ESCO1: variants seen among roughly 807,000 people sequenced by gnomAD.
ESCO1 encodes the protein establishment of sister chromatid cohesion N-acetyltransferase 1.
In ESCO1, 33 loss-of-function variants were observed where a neutral mutation model predicts 83.5. The ratio of observed to expected loss-of-function variants is 0.40; its 90% CI spans 0.30 to 0.53. The LOEUF is 0.53. Among genes scored for constraint, ESCO1 ranks in the 20% least tolerant of loss-of-function variants. ESCO1 has a pLI of 0.63. For synonymous variants in ESCO1, 332 were observed against 324.3 expected (o/e 1.02, Z -0.25); for missense variants, 855 against 968.0 (o/e 0.88, Z 1.55).
At chr18:21,534,107 TAGAG>T (rs1356200120) in intron 10 of ESCO1, among the ~76,000 whole-genome samples, 2 of 152,158 alleles carry the variant, frequency 1.3e-5, no homozygotes, top group African/African-American at 2.4e-5. Flanking sequence ...TTAACATATA[TAGAG>T]AAACTCCTGC....
At position 21,530,320 on chromosome 18, in the gene ESCO1, A is replaced by G; in HGVS notation, c.*23T>C. 1 of 1,549,714 alleles carries G rather than the reference A, an allele frequency of 6.5e-7. No individual in the cohort carries two copies. Among genetic ancestry groups the G allele is most frequent in the Non-Finnish European group, 8.7e-7 (1 of 1,150,768 alleles). ...CCATTCTCTTCAATAGATGTCTTCT[A>G]GTGGTGTAGGCAAGAATTTGTTTTA... On this transcript the variant is annotated 3_prime_UTR_variant, in exon 12 of 12. Transcript: ENST00000269214.
intron 1 of ESCO1, among the ~76,000 whole-genome samples, chr18:21,599,771 C>A (rs2038815431): frequency 6.6e-6 from 1 of 152,120 alleles, no homozygotes; most frequent in Non-Finnish European, 1.5e-5. Flanking sequence ...AAGCACACGC[C>A]GGATTTTCGG....
chr18:21,578,244 G>T (rs959388922), intron 2 of ESCO1, among the ~76,000 whole-genome samples: 1 of 151,948 alleles, frequency 6.6e-6, no homozygotes, highest in Non-Finnish European at 1.5e-5. Context: ...CTAAAAATAA[G>T]CTAATTTGTC....
rs1026831974 is a variant in ESCO1 at position 21,529,469 on chromosome 18, CA to C, written c.*873del. 3.2e-4 allele frequency: 48 copies of C among 152,314 alleles called. No individual in the cohort carries two copies. Among genetic ancestry groups the C allele is most frequent in the African/African-American group, 1.2e-3 (48 of 41,568 alleles). 9.4% of individuals were successfully genotyped at this position (152,314 alleles called of 1,614,324 possible). On this transcript the variant is annotated 3_prime_UTR_variant, in exon 12 of 12. Coordinates refer to ENST00000269214, the MANE Select transcript of ESCO1 (RefSeq NM_052911.3). ...CAGTAATGAGGGCATATACTCAGTG[CA>C]GTATTTCTGAGGAATAACAAAGCAG...
intron 11 of ESCO1, among the ~76,000 whole-genome samples, chr18:21,530,974 T>C (rs984182149): frequency 6.6e-6 from 1 of 152,170 alleles, no homozygotes; most frequent in Non-Finnish European, 1.5e-5. Context: ...AGGCCTTGTT[T>C]ATAGAAAATC....
chr18:21,557,459 C>T (rs1268914414), intron 8 of ESCO1, among the ~76,000 whole-genome samples: 1 of 152,190 alleles, frequency 6.6e-6, no homozygotes, highest in African/African-American at 2.4e-5. Flanking sequence ...ATTCTGACCA[C>T]TTCTAAGTTG....
intron 1 of ESCO1, among the ~76,000 whole-genome samples, chr18:21,600,320 C>G (rs1000560980): frequency 4.6e-5 from 7 of 152,266 alleles, no homozygotes; most frequent in African/African-American, 1.7e-4. Context: ...AACTCCGGCC[C>G]TGCCCCGTCG....
chr18:21,542,431 A>G (rs922255678), intron 8 of ESCO1, among the ~76,000 whole-genome samples: 1 of 152,204 alleles, frequency 6.6e-6, no homozygotes. Context: ...CTTGGTAGTT[A>G]CTAGATGCAT....
At chr18:21,569,321 G>A (rs2038306783) in intron 4 of ESCO1, among the ~76,000 whole-genome samples, 3 of 152,252 alleles carry the variant, frequency 2.0e-5, no homozygotes, top group Non-Finnish European at 2.9e-5. Context: ...CTTCAGGCGG[G>A]GCGTGGTGGC....
chr18:21,599,700 C>A (rs1200415471), intron 1 of ESCO1, among the ~76,000 whole-genome samples: 3 of 152,130 alleles, frequency 2.0e-5, no homozygotes, highest in Non-Finnish European at 2.9e-5. Flanking sequence ...GCTTGAGCTC[C>A]TTCCTCCTCC....
chr18:21,545,750 G>A (rs890225885), intron 8 of ESCO1, among the ~76,000 whole-genome samples: 4 of 151,880 alleles, frequency 2.6e-5, no homozygotes, highest in East Asian at 3.9e-4. Context: ...CCAACATGGC[G>A]AAACCCCATG....
At chr18:21,573,247 T>C in intron 4 of ESCO1, 67 bp downstream of exon 4, 1 of 1,397,734 alleles carries the variant, frequency 7.2e-7, no homozygotes, top group African/African-American at 1.4e-5. Flanking sequence ...TATGCTAAAA[T>C]GTTATAAAGA....
chr18:21,589,363 C>T (rs2038628814), intron 1 of ESCO1, among the ~76,000 whole-genome samples: 1 of 152,162 alleles, frequency 6.6e-6, no homozygotes, highest in African/African-American at 2.4e-5. Context: ...CCTACACAAC[C>T]CTAGGACTAT....
At chr18:21,592,632 G>A (rs942986371) in intron 1 of ESCO1, among the ~76,000 whole-genome samples, 4 of 151,182 alleles carry the variant, frequency 2.6e-5, no homozygotes, top group Non-Finnish European at 5.9e-5. Flanking sequence ...CCCGGACGGG[G>A]CGGCTGGCCT....
At chr18:21,579,880 G>GA (rs1210439879) in intron 2 of ESCO1, among the ~76,000 whole-genome samples, 1 of 149,158 alleles carries the variant, frequency 6.7e-6, no homozygotes, top group Non-Finnish European at 1.5e-5. Context: ...AATAATGGAT[G>GA]AAAAAAATTA....
At chr18:21,562,449 C>T (rs1345826157) in intron 7 of ESCO1, among the ~76,000 whole-genome samples, 1 of 144,828 alleles carries the variant, frequency 6.9e-6, no homozygotes, top group East Asian at 2.1e-4. Flanking sequence ...GCACTCCAGC[C>T]TGGGTGACTC....
chr18:21,550,132 A>C (rs1043790179), intron 8 of ESCO1, among the ~76,000 whole-genome samples: 3 of 152,298 alleles, frequency 2.0e-5, no homozygotes, highest in Middle Eastern at 3.4e-3. Flanking sequence ...GTGAGCAGAG[A>C]CCAGTAGCCA....
chr18:21,562,411 G>C (rs2038199416), intron 7 of ESCO1, among the ~76,000 whole-genome samples: 1 of 151,678 alleles, frequency 6.6e-6, no homozygotes, highest in Non-Finnish European at 1.5e-5. Flanking sequence ...GGGAAGCAGA[G>C]GTTGCAGTGA....
chr18:21,577,371 A>T (rs1207493641), intron 2 of ESCO1, among the ~76,000 whole-genome samples: 2 of 148,856 alleles, frequency 1.3e-5, no homozygotes, highest in Non-Finnish European at 3.0e-5. Context: ...TAAAAAAAAA[A>T]AAAAAAAAAA....
Sources: gnomAD v4.1 joint callset for allele counts (sites outside exome capture counted in the v4.1 genomes callset) on GRCh38, gnomAD v4.1.1 for gene constraint, MANE v1.5 for transcripts, NCBI Gene and HGNC (gene_info 2026-07-23, HGNC 2026-07-21) for gene names.